The following ACTR10 variants were observed in gnomAD, a reference collection of about 807,000 sequenced individuals.
The protein encoded by ACTR10 is actin-related protein 10.
ACTR10 carries 43 observed loss-of-function variants against 56.2 expected under a neutral mutation model. The observed-to-expected ratio is 0.77, with a 90% CI of 0.60 to 0.99. The LOEUF is 0.99. ACTR10 is among the 50% of genes least tolerant of loss of function. The probability of loss-of-function intolerance (pLI) is 0.00; values close to 1 mark genes in which losing one functional copy is unlikely to be tolerated. For missense variants in ACTR10, 466 were observed against 507.8 expected (o/e 0.92, Z 0.79); for synonymous variants, 170 against 176.3 (o/e 0.96, Z 0.28).
chr14:58,217,519 T>G (rs1025790029), intron 7 of ACTR10, among the ~76,000 whole-genome samples: 1 of 151,552 alleles, frequency 6.6e-6, no homozygotes, highest in African/African-American at 2.4e-5. Context: ...AAAAAAAAAT[T>G]AGCTGGGCAT....
rs769548630 is a variant in ACTR10, at chr14:58,202,921, G to A, written c.144G>A (p.Met48Ile). 29 of 1,573,774 alleles carry A rather than the reference G, an allele frequency of 1.8e-5. No homozygotes were observed. The East Asian group carries it at 6.3e-4, about 34-fold the overall frequency. ...IIPSVIKRAG[M>I]PKPVRVVQYN... ...CTAGTGTGATAAAAAGAGCTGGGAT[G>A]CCTAAGGTATTTAAAAAAAAATATT... The change falls in exon 2 of 13, where the codon ATG becomes ATA. Residue 48 changes from methionine (M) to isoleucine (I), a missense_variant. Coordinates refer to ENST00000254286, the MANE Select transcript of ACTR10 (RefSeq NM_018477.3).
intron 4 of ACTR10, among the ~76,000 whole-genome samples, chr14:58,210,387 T>C (rs1247955884): frequency 6.6e-6 from 1 of 152,108 alleles, no homozygotes; most frequent in African/African-American, 2.4e-5. Flanking sequence ...TCCCAGCTAC[T>C]CAGGAGACTA....
At chr14:58,213,573 A>G in intron 5 of ACTR10, 58 bp from the exon 6 acceptor site, 6 of 1,235,294 alleles carry the variant, frequency 4.9e-6, no homozygotes, top group Non-Finnish European at 6.8e-6. Flanking sequence ...GGTGAGGAAA[A>G]TATCAAGGAA....
At chr14:58,206,109 CAGAT>C (rs570284556) in intron 2 of ACTR10, among the ~76,000 whole-genome samples, 87 of 152,022 alleles carry the variant, frequency 5.7e-4, no homozygotes, top group Non-Finnish European at 1.1e-3. Flanking sequence ...ACTGTGTTAC[CAGAT>C]AGATTTCTTA....
chr14:58,211,287 T>C lies in ACTR10; in HGVS notation c.343-5T>C. 6.2e-7 allele frequency: 1 copy of C among 1,605,044 alleles called. No homozygotes were observed. Among genetic ancestry groups the C allele is most frequent in the Non-Finnish European group, 8.5e-7 (1 of 1,172,828 alleles). ...TTTTGTTGTATTGATTTTGTTATTT[T>C]CTAGGTTCCATCTGTCTTGCTTGCT... On this transcript the variant is annotated splice_region_variant and splice_polypyrimidine_tract_variant and intron_variant, in intron 4 of 12. Transcript: ENST00000254286.
chr14:58,219,586 G>T, intron 7 of ACTR10, 108 bp from the exon 8 acceptor site: 1 of 637,134 alleles, frequency 1.6e-6, no homozygotes. Context: ...TATAGTAGTT[G>T]TATTTTTAAA....
At chr14:58,224,850 G>A (rs137863033) in intron 10 of ACTR10, among the ~76,000 whole-genome samples, 107 of 152,148 alleles carry the variant, frequency 7.0e-4, no homozygotes, top group African/African-American at 2.4e-3. Flanking sequence ...TTAGCCAGCT[G>A]TGGTAGCACA....
intron 10 of ACTR10, 96 bp from the exon 11 acceptor site, chr14:58,230,303 C>T (rs1356141739): frequency 1.2e-5 from 7 of 606,082 alleles, no homozygotes; most frequent in East Asian, 9.2e-5. Context: ...AGTATTGGTA[C>T]TTAAAAATAC....
At chr14:58,200,429 C>A in intron 1 of ACTR10, 135 bp downstream of exon 1, 1 of 569,706 alleles carries the variant, frequency 1.8e-6, no homozygotes, top group Non-Finnish European at 2.7e-6. Flanking sequence ...AGCGCCCTTG[C>A]AAATAACAGC....
chr14:58,208,646 G>A (rs1427755107), intron 3 of ACTR10, among the ~76,000 whole-genome samples: 1 of 151,730 alleles, frequency 6.6e-6, no homozygotes, highest in Non-Finnish European at 1.5e-5. Flanking sequence ...TTGAACCCAG[G>A]AGGCTGAGGT....
At chr14:58,203,420 C>A (rs186358771) in intron 2 of ACTR10, among the ~76,000 whole-genome samples, 1 of 151,862 alleles carries the variant, frequency 6.6e-6, no homozygotes, top group East Asian at 1.9e-4. Context: ...TTTTGCACAC[C>A]ATAAGTATAT....
Position 58,234,818 on chromosome 14 carries a change from C to G in ACTR10, c.*267C>G. 1 of 95,484 alleles carries G rather than the reference C, an allele frequency of 1.0e-5. No individual in the cohort carries two copies. The highest frequency in any genetic ancestry group is 2.0e-5 in the Non-Finnish European group (1 of 51,010). 5.9% of individuals were successfully genotyped at this position (95,484 alleles called of 1,614,324 possible). On this transcript the variant is annotated 3_prime_UTR_variant, in exon 13 of 13. Coordinates refer to ENST00000254286, the MANE Select transcript of ACTR10 (RefSeq NM_018477.3). The stretch of plus-strand genomic sequence containing the variant: ...TTGATTTTGGAAGTTTGTTATGTGG[C>G]TTTTTTTTTTTTTTTTTTTTTGAGA...
intron 6 of ACTR10, among the ~76,000 whole-genome samples, chr14:58,214,737 C>T (rs1181013069): frequency 6.6e-5 from 10 of 151,264 alleles, no homozygotes; most frequent in Non-Finnish European, 1.2e-4. Context: ...GTGATCCACC[C>T]GCTTCAGCCT....
chr14:58,228,748 A>C (rs925564794), intron 10 of ACTR10, among the ~76,000 whole-genome samples: 6 of 110,958 alleles, frequency 5.4e-5, no homozygotes, highest in African/African-American at 1.0e-4. Flanking sequence ...TGTGCTGCTC[A>C]GGCTGGTCTT....
rs1458782476 is a variant in ACTR10, at chr14:58,234,652, T to C, written c.*101T>C. 8.9e-7 allele frequency: 1 copy of C among 1,120,584 alleles called. No homozygotes were observed. The highest frequency in any genetic ancestry group is 1.2e-6 in the Non-Finnish European group (1 of 809,560). 69.4% of individuals were successfully genotyped at this position (1,120,584 alleles called of 1,614,324 possible). On this transcript the variant is annotated 3_prime_UTR_variant, in exon 13 of 13. Coordinates refer to ENST00000254286, the MANE Select transcript of ACTR10 (RefSeq NM_018477.3). Reference sequence around the variant, plus strand: ...GATGTTTTGTTATAGAGGACTATAGTGGAAGTGAAAGCATTCTGTGTTTAC... The same window carrying C: ...GATGTTTTGTTATAGAGGACTATAGCGGAAGTGAAAGCATTCTGTGTTTAC...
rs748955462 is a variant in ACTR10, at chr14:58,211,361, G to A, written c.412G>A (p.Val138Ile). 6.2e-7 allele frequency: 1 copy of A among 1,613,748 alleles called. No homozygotes were observed. The highest frequency in any genetic ancestry group is 8.5e-7 in the Non-Finnish European group (1 of 1,179,814). Residue 138 changes from valine (V) to isoleucine (I), a missense_variant, in exon 5 of 13, where the codon GTC becomes ATC. Coordinates refer to ENST00000254286, the MANE Select transcript of ACTR10 (RefSeq NM_018477.3). ...GACGCTTGGAATTAATTCTGCCATG[G>A]TCCTAGATTGTGGATATAGGGAAAG... Reference protein sequence around the residue: ...LLTLGINSAMVLDCGYRESLV... With the variant: ...LLTLGINSAMILDCGYRESLV...
At position 58,213,632 on chromosome 14, in the gene ACTR10, T is replaced by A. The variant is rs771109078; in HGVS notation, c.452T>A (p.Ile151Lys). ...GTAGTATCCTTGACTACTCTATAGA[T>A]ATATGAAGGAATCCCAGTTCTAAAT... ...CGYRESLVLP[I>K]YEGIPVLNCW... is the part of the protein sequence containing the mutation. Residue 151 changes from isoleucine to lysine, a missense_variant and splice_region_variant, in exon 6 of 13, where the codon ATA (isoleucine) becomes AAA (lysine). Ile to Lys is a moderately radical substitution (Grantham distance 102). Transcript: ENST00000254286. 7.5e-6 allele frequency: 12 copies of A among 1,608,070 alleles called. No homozygotes were observed. The highest frequency in any genetic ancestry group is 1.0e-5 in the Non-Finnish European group (12 of 1,175,522).
chr14:58,233,580 A>G (rs1256227057), intron 12 of ACTR10, among the ~76,000 whole-genome samples: 1 of 152,252 alleles, frequency 6.6e-6, no homozygotes, highest in Non-Finnish European at 1.5e-5. Flanking sequence ...CTCAGTCAAC[A>G]GTAGACTATT....
intron 12 of ACTR10, among the ~76,000 whole-genome samples, chr14:58,232,694 A>G (rs1335140377): frequency 1.3e-5 from 2 of 151,662 alleles, no homozygotes; most frequent in African/African-American, 2.4e-5. Flanking sequence ...GATTACAGGC[A>G]TGAACCACCA....
Sources: gnomAD v4.1 joint callset for allele counts (sites outside exome capture counted in the v4.1 genomes callset) on GRCh38, gnomAD v4.1.1 for gene constraint, MANE v1.5 for transcripts, NCBI Gene and HGNC (gene_info 2026-07-23, HGNC 2026-07-21) for gene names.